The following EYA1 variants were observed in gnomAD, a reference collection of about 807,000 sequenced individuals.
EYA1 encodes the protein protein phosphatase EYA1.
Under a neutral mutation model 82.0 loss-of-function variants are expected in EYA1, and 16 were observed. That is an observed-to-expected ratio of 0.20 (90% CI 0.13 to 0.30). EYA1 has a LOEUF of 0.30. Ranked by LOEUF, EYA1 falls within the 10% of genes least tolerant of loss-of-function variation. EYA1 has a pLI of 1.00. For missense variants in EYA1, 633 were observed against 730.7 expected (o/e 0.87, Z 1.54); for synonymous variants, 261 against 264.4 (o/e 0.99, Z 0.12).
chr8:71,500,980 C>T (rs1300195335), intron 2 of EYA1, among the ~76,000 whole-genome samples: 1 of 152,156 alleles, frequency 6.6e-6, no homozygotes, highest in Non-Finnish European at 1.5e-5. Context: ...AAAAATAAAT[C>T]TCCCCTCAAC....
At chr8:71,451,907 C>T (rs1807410822) in intron 2 of EYA1, among the ~76,000 whole-genome samples, 1 of 152,202 alleles carries the variant, frequency 6.6e-6, no homozygotes, top group Non-Finnish European at 1.5e-5. Context: ...CACTGGGGCT[C>T]ATCGGACAGT....
At chr8:71,436,893 A>T (rs1806052393) in intron 2 of EYA1, among the ~76,000 whole-genome samples, 1 of 152,066 alleles carries the variant, frequency 6.6e-6, no homozygotes, top group Non-Finnish European at 1.5e-5. Context: ...GGACTTTAAA[A>T]TGAATCATGT....
At chr8:71,523,194 T>TTTTTG (rs1813555126) in intron 2 of EYA1, among the ~76,000 whole-genome samples, 1 of 145,032 alleles carries the variant, frequency 6.9e-6, no homozygotes, top group Admixed American at 7.1e-5. Context: ...TTTTTTTTTT[T>TTTTTG]TTGAGACGGA....
chr8:71,483,042 T>C (rs1203036596), intron 2 of EYA1, among the ~76,000 whole-genome samples: 1 of 152,220 alleles, frequency 6.6e-6, no homozygotes, highest in East Asian at 1.9e-4. Flanking sequence ...ATCCAGATCA[T>C]GACAGACCCC....
chr8:71,228,674 T>A (rs1810844785), intron 12 of EYA1, among the ~76,000 whole-genome samples: 1 of 152,200 alleles, frequency 6.6e-6, no homozygotes, highest in African/African-American at 2.4e-5. Context: ...ATGTTCTCGA[T>A]TCTTTCATTC....
At chr8:71,539,581 C>G (rs751130798) in intron 1 of EYA1, among the ~76,000 whole-genome samples, 1 of 152,194 alleles carries the variant, frequency 6.6e-6, no homozygotes, top group Non-Finnish European at 1.5e-5. Flanking sequence ...CCTTAGGGAA[C>G]TATGCCTTCT....
intron 2 of EYA1, among the ~76,000 whole-genome samples, chr8:71,378,012 C>T (rs1358401096): frequency 1.3e-5 from 2 of 152,150 alleles, no homozygotes; most frequent in Non-Finnish European, 2.9e-5. Context: ...TCAGCTTCCT[C>T]TGAAACACCA....
intron 12 of EYA1, among the ~76,000 whole-genome samples, chr8:71,233,358 A>G (rs993221380): frequency 1.3e-5 from 2 of 151,982 alleles, no homozygotes; most frequent in South Asian, 2.1e-4. Context: ...AGGTCAGGAG[A>G]TCGAGACCAT....
intron 3 of EYA1, 35 bp downstream of exon 3, chr8:71,354,747 G>T (rs777377077): frequency 1.9e-6 from 3 of 1,604,572 alleles, no homozygotes; most frequent in African/African-American, 1.3e-5. Flanking sequence ...GAAGAAACAA[G>T]GTGCAAAGTA....
Position 71,408,815 on chromosome 8 carries a change from G to A in EYA1, c.34-52304C>T, listed in dbSNP as rs1276722497. 2.3e-5 allele frequency among the ~76,000 whole-genome samples: 3 copies of A among 131,200 alleles called. 1 individual carries two copies. Among genetic ancestry groups the A allele is most frequent in the Non-Finnish European group, 4.8e-5 (3 of 62,608 alleles). The allele number at this position is 131,200 out of a possible 152,430, so 86.1% of individuals were successfully genotyped here. Reference sequence around the variant, plus strand: ...CATTGTCAACATTAGACAGATCAACGAGCCAGAAAGTCAACAAGGATACCC... The same window carrying A: ...CATTGTCAACATTAGACAGATCAACAAGCCAGAAAGTCAACAAGGATACCC... On this transcript the variant is annotated intron_variant, in intron 2 of 18. Transcript: ENST00000643681.
chr8:71,291,136 A>G (rs891587829), intron 9 of EYA1, among the ~76,000 whole-genome samples: 12 of 152,214 alleles, frequency 7.9e-5, no homozygotes, highest in African/African-American at 2.7e-4. Flanking sequence ...CATTTCCACA[A>G]TGAACAGACA....
At chr8:71,376,877 G>A (rs1381816392) in intron 2 of EYA1, among the ~76,000 whole-genome samples, 1 of 151,876 alleles carries the variant, frequency 6.6e-6, no homozygotes, top group African/African-American at 2.4e-5. Context: ...CGAAGCTCCC[G>A]CTGCCCTGCC....
intron 2 of EYA1, among the ~76,000 whole-genome samples, chr8:71,492,153 G>C (rs187120198): frequency 3.9e-5 from 6 of 152,222 alleles, no homozygotes; most frequent in Admixed American, 3.3e-4. Context: ...ATGGAGTCTT[G>C]GTTCAGGAAA....
At chr8:71,380,951 G>A (rs1430286226) in intron 2 of EYA1, among the ~76,000 whole-genome samples, 1 of 152,200 alleles carries the variant, frequency 6.6e-6, no homozygotes, top group Admixed American at 6.5e-5. Context: ...CTCCCAGCAG[G>A]TCCCACTGCC....
chr8:71,416,727 C>T (rs2129145293), intron 2 of EYA1, among the ~76,000 whole-genome samples: 1 of 152,280 alleles, frequency 6.6e-6, no homozygotes, highest in South Asian at 2.1e-4. Flanking sequence ...AATATAGACT[C>T]TCAGGGCCAC....
intron 7 of EYA1, 52 bp from the exon 8 acceptor site, chr8:71,299,772 G>A: frequency 1.0e-6 from 1 of 965,828 alleles, no homozygotes; most frequent in Non-Finnish European, 1.7e-6. Context: ...GGAATAATGT[G>A]GGTACAGGAA....
At chr8:71,203,343 C>A (rs2128811463) in intron 17 of EYA1, among the ~76,000 whole-genome samples, 1 of 152,278 alleles carries the variant, frequency 6.6e-6, no homozygotes, top group African/African-American at 2.4e-5. Flanking sequence ...ATCCCCAATG[C>A]CAAGAGCTGA....
chr8:71,501,160 A>G (rs1035672759), intron 2 of EYA1, among the ~76,000 whole-genome samples: 1 of 152,238 alleles, frequency 6.6e-6, no homozygotes, highest in Non-Finnish European at 1.5e-5. Flanking sequence ...CTTTAAGACA[A>G]TAGCATGGTA....
Position 71,411,551 on chromosome 8 carries a change from C to T in EYA1, c.34-55040G>A, listed in dbSNP as rs559713795. 2.5e-4 allele frequency among the ~76,000 whole-genome samples: 38 copies of T among 149,220 alleles called. No homozygotes were observed. The South Asian group carries it at 4.5e-3, about 18-fold the overall frequency. On this transcript the variant is annotated intron_variant, in intron 2 of 18. Coordinates refer to the EYA1 transcript ENST00000643681. The stretch of plus-strand genomic sequence containing the variant: ...ATTTGCAAGAAAAAAACAAACAACC[C>T]CATCAAAAAGTGGGCGAAGGACATG...
Sources: gnomAD v4.1 joint callset for allele counts (sites outside exome capture counted in the v4.1 genomes callset) on GRCh38, gnomAD v4.1.1 for gene constraint, MANE v1.5 for transcripts, NCBI Gene and HGNC (gene_info 2026-07-23, HGNC 2026-07-21) for gene names.